HSP90B1: variants seen among roughly 807,000 people sequenced by gnomAD.
HSP90B1 encodes the protein endoplasmin.
Under a neutral mutation model 100.4 loss-of-function variants are expected in HSP90B1, and 27 were observed. That is an observed-to-expected ratio of 0.27 (90% confidence interval 0.20 to 0.37). The LOEUF (loss-of-function observed/expected upper bound fraction) is 0.37. Ranked by LOEUF, HSP90B1 falls within the 10% of genes least tolerant of loss-of-function variation. HSP90B1 has a pLI of 1.00. For synonymous variants in HSP90B1, 304 were observed against 330.8 expected, an observed-to-expected ratio of 0.92 and a Z score of 0.88; for missense variants, 678 against 960.5, an observed-to-expected ratio of 0.71 and a Z score of 3.89.
rs774680935 is a variant in HSP90B1 at position 103,932,292 on chromosome 12, T to A, written c.168T>A (p.Ile56=). 1 of 1,610,748 alleles carries A rather than the reference T, an allele frequency of 6.2e-7. No individual in the cohort carries two copies. Among genetic ancestry groups the A allele is most frequent in the Admixed American group, 1.7e-5 (1 of 59,546 alleles). The change falls in exon 3 of 18, where the codon ATT becomes ATA. Residue 56 remains isoleucine, a synonymous_variant. Transcript: ENST00000299767. ...ATTTCCTTAGAGAGGAAGAAGCTAT[T>A]CAGTTGGATGGATTAAATGCATCAC... ...DEVVQREEEA[I]QLDGLNASQI...
intron 7 of HSP90B1, among the ~76,000 whole-genome samples, chr12:103,938,964 A>G (rs1441245846): frequency 2.6e-5 from 4 of 152,252 alleles, no homozygotes; most frequent in African/African-American, 7.2e-5. Flanking sequence ...TAGTTAAAAA[A>G]TAACAATGAA....
Position 103,942,601 on chromosome 12 carries a change from T to G in HSP90B1, c.1449T>G (p.Thr483=). 1 of 1,613,984 alleles carries G rather than the reference T, an allele frequency of 6.2e-7. No homozygotes were observed. Among genetic ancestry groups the G allele is most frequent in the Non-Finnish European group, 8.5e-7 (1 of 1,179,842 alleles). The change falls in exon 12 of 18, where the codon ACT becomes ACG. Residue 483 remains threonine, a synonymous_variant. Coordinates refer to ENST00000299767, the MANE Select transcript of HSP90B1 (RefSeq NM_003299.3). Reference sequence around the variant, plus strand: ...TTGCTGATGATAAATACAATGATACTTTTTGGAAAGAATTTGGTACCAACA... The same window carrying G: ...TTGCTGATGATAAATACAATGATACGTTTTGGAAAGAATTTGGTACCAACA... ...KKIADDKYND[T]FWKEFGTNIK... is the part of the protein sequence containing the mutation.
intron 10 of HSP90B1, 21 bp downstream of exon 10, chr12:103,941,727 A>G: frequency 1.2e-6 from 2 of 1,610,646 alleles, no homozygotes; most frequent in African/African-American, 1.3e-5. Context: ...GAAGTTTGGG[A>G]GAAGGGGTGA....
rs546630977 is a variant in HSP90B1, at chr12:103,938,423, GGAA to G, written c.952_954del (p.Glu318del). The G allele has an allele frequency of 6.2e-4, 987 of 1,595,406 alleles. 2 individuals carry two copies. The highest frequency in any genetic ancestry group is 8.0e-4 in the Non-Finnish European group (938 of 1,165,566). ...AATCTGATGATGAAGCTGCAGTAGA[GGAA>G]GAAGAAGAAGAAAAGAAACCAAAGA... is the stretch of plus-strand genomic sequence containing the variant. On this transcript the variant is annotated inframe_deletion, in exon 7 of 18. Transcript: ENST00000299767.
intron 5 of HSP90B1, among the ~76,000 whole-genome samples, chr12:103,936,586 G>A (rs1468722986): frequency 6.7e-6 from 1 of 149,302 alleles, no homozygotes; most frequent in Non-Finnish European, 1.5e-5. Flanking sequence ...GGTCAAGGCT[G>A]CAGTGAGCCA....
In HSP90B1 at chr12:103,941,649, C is replaced by T. The variant is rs772984001; in HGVS notation, c.1251C>T (p.Phe417=). ...TTTAGCTCTATGTGCGCCGTGTATT[C>T]ATCACAGACGACTTCCATGATATGA... is the stretch of plus-strand genomic sequence containing the variant. ...DYIKLYVRRV[F]ITDDFHDMMP... The change falls in exon 10 of 18, where the codon TTC becomes TTT. Residue 417 remains phenylalanine, a synonymous_variant. Transcript: ENST00000299767. 6.2e-7 allele frequency: 1 copy of T among 1,614,090 alleles called. No individual in the cohort carries two copies. The highest frequency in any genetic ancestry group is 8.5e-7 in the Non-Finnish European group (1 of 1,180,006).
At chr12:103,944,971 A>C (rs949272576) in intron 14 of HSP90B1, among the ~76,000 whole-genome samples, 2 of 152,236 alleles carry the variant, frequency 1.3e-5, no homozygotes, top group African/African-American at 4.8e-5. Flanking sequence ...TGTTCTGTTT[A>C]TCTGATATCC....
At chr12:103,939,938 C>T (rs1870027063) in intron 8 of HSP90B1, among the ~76,000 whole-genome samples, 1 of 152,214 alleles carries the variant, frequency 6.6e-6, no homozygotes, top group Non-Finnish European at 1.5e-5. Flanking sequence ...CTCATCACTA[C>T]TTCAAAATTG....
At position 103,947,735 on chromosome 12, in the gene HSP90B1, C is replaced by G; in HGVS notation, c.*73C>G. The G allele has an allele frequency of 7.6e-7, 1 of 1,320,786 alleles. No homozygotes were observed. Among genetic ancestry groups the G allele is most frequent in the Non-Finnish European group, 1.1e-6 (1 of 913,422 alleles). The allele number at this position is 1,320,786 out of a possible 1,614,324, so 81.8% of individuals were successfully genotyped here. On this transcript the variant is annotated 3_prime_UTR_variant, in exon 18 of 18. Transcript: ENST00000299767. Reference sequence around the variant, plus strand: ...TTACATCATTTCTTTTTGGGAGAGACTTGTTTTGGATGCCCCCTAATCCCC... The same window carrying G: ...TTACATCATTTCTTTTTGGGAGAGAGTTGTTTTGGATGCCCCCTAATCCCC...
chr12:103,942,844 G>A (rs1449619805), intron 12 of HSP90B1, 48 bp downstream of exon 12: 1 of 1,599,874 alleles, frequency 6.3e-7, no homozygotes, highest in Non-Finnish European at 8.5e-7. Flanking sequence ...AGGTAGCTAG[G>A]GATTTATAGC....
At position 103,930,942 on chromosome 12, in the gene HSP90B1, C is replaced by T. The variant is rs144576494; in HGVS notation, c.49+378C>T. Among the ~76,000 whole-genome samples, 162 of 152,078 alleles carry T rather than the reference C, an allele frequency of 1.1e-3. No homozygotes were observed. Among genetic ancestry groups the T allele is most frequent in the South Asian group, 5.6e-3 (27 of 4,808 alleles). On this transcript the variant is annotated intron_variant, in intron 1 of 17. Transcript: ENST00000299767. This position sits in a 1 kb window ranked among gnomAD's most constrained non-coding sequence, Gnocchi z 4.4. The stretch of plus-strand genomic sequence containing the variant: ...CCCAGCTTTCCCGTCCCCTAATTCC[C>T]CAGACTCCGACTCCTCGCAAGCCCG...
At position 103,945,674 on chromosome 12, in the gene HSP90B1, C is replaced by T. The variant is rs141064197; in HGVS notation, c.2028-944C>T. Among the ~76,000 whole-genome samples the T allele has an allele frequency of 3.3e-5, 5 of 152,252 alleles. No homozygotes were observed. The East Asian group carries it at 5.8e-4, about 18-fold the overall frequency. ...GAACAAACAGGACATTAAATCAGTT[C>T]GTCTGTTCAGCAGTGCTCCAGGTAC... On this transcript the variant is annotated intron_variant, in intron 14 of 17. Transcript: ENST00000299767.
chr12:103,937,680 GA>G lies in HSP90B1; in HGVS notation c.744-13del. On this transcript the variant is annotated splice_polypyrimidine_tract_variant and intron_variant, in intron 5 of 17. Coordinates refer to ENST00000299767, the MANE Select transcript of HSP90B1 (RefSeq NM_003299.3). ...TAAATGTTAGGTGTCTCTAAACATC[GA>G]ATTTTTCTTGCAGCCTTGTCTTAAA... is the stretch of plus-strand genomic sequence containing the variant. 1 of 1,358,600 alleles carries G rather than the reference GA, an allele frequency of 7.4e-7. No homozygotes were observed. The highest frequency in any genetic ancestry group is 1.1e-6 in the Non-Finnish European group (1 of 950,954). The allele number at this position is 1,358,600 out of a possible 1,614,324, so 84.2% of individuals were successfully genotyped here.
chr12:103,932,569 T>TA lies in HSP90B1; in HGVS notation c.294+152dup, dbSNP rs1431684082. 17 of 715,794 alleles carry TA rather than the reference T, an allele frequency of 2.4e-5. No homozygotes were observed. In the East Asian group the frequency reaches 4.6e-4, roughly 19 times the overall value. 44.3% of individuals were successfully genotyped at this position (715,794 alleles called of 1,614,324 possible). On this transcript the variant is annotated intron_variant, in intron 3 of 17. Coordinates refer to ENST00000299767, the MANE Select transcript of HSP90B1 (RefSeq NM_003299.3). ...AATATGTCCAAGAATTGCTACCAGA[T>TA]ATCTGGGAAGAAAGGGAGTGTCAGA...
In HSP90B1 at chr12:103,939,583, A is replaced by G; in HGVS notation, c.1050A>G (p.Val350=). 1 of 1,582,026 alleles carries G rather than the reference A, an allele frequency of 6.3e-7. No individual in the cohort carries two copies. The highest frequency in any genetic ancestry group is 1.4e-5 in the African/African-American group (1 of 73,410). Residue 350 remains valine (V), a synonymous_variant, in exon 8 of 18, where the codon GTA becomes GTG. Transcript: ENST00000299767. Reference sequence around the variant, plus strand: ...TATGGCAGAGACCATCAAAAGAAGTAGAAGAAGATGAATACAAAGCTTTCT... The same window carrying G: ...TATGGCAGAGACCATCAAAAGAAGTGGAAGAAGATGAATACAAAGCTTTCT... The part of the protein sequence containing the change: ...KPIWQRPSKE[V]EEDEYKAFYK...
intron 16 of HSP90B1, 82 bp downstream of exon 16, chr12:103,947,023 G>T: frequency 7.0e-7 from 1 of 1,432,486 alleles, no homozygotes; most frequent in Admixed American, 2.3e-5. Flanking sequence ...CATGATTGAG[G>T]GATGTAGCTT....
rs141411215 is a variant in HSP90B1 at position 103,931,690 on chromosome 12, T to C, written c.152+67T>C. The C allele has an allele frequency of 1.4e-3, 1,551 of 1,107,394 alleles. 7 individuals are homozygous for C. The highest frequency in any genetic ancestry group is 6.5e-3 in the South Asian group (502 of 77,012). 68.6% of individuals were successfully genotyped at this position (1,107,394 alleles called of 1,614,324 possible). On this transcript the variant is annotated intron_variant, in intron 2 of 17. Transcript: ENST00000299767. ...GAACCTTGTGAGTTACGGTCACTTC[T>C]TATGTATCTCTTCTCCAAAGGTCCA...
chr12:103,942,961 A>G, intron 12 of HSP90B1, 113 bp from the exon 13 acceptor site: 2 of 1,468,806 alleles, frequency 1.4e-6, no homozygotes, highest in Non-Finnish European at 1.8e-6. Flanking sequence ...GAACCTCTTA[A>G]TTCTTCACCT....
In HSP90B1 at chr12:103,947,798, C is replaced by T. The variant is rs1248739371; in HGVS notation, c.*136C>T. On this transcript the variant is annotated 3_prime_UTR_variant, in exon 18 of 18. Coordinates refer to ENST00000299767, the MANE Select transcript of HSP90B1 (RefSeq NM_003299.3). ...CTGTAAAATGTGGGATTATGGGTCACAGGAAAAAGTGGGTTTTTTAGTTGA... is the reference window on the plus strand; with the variant it reads ...CTGTAAAATGTGGGATTATGGGTCATAGGAAAAAGTGGGTTTTTTAGTTGA... The T allele has an allele frequency of 1.3e-6, 1 of 782,538 alleles. No homozygotes were observed. The highest frequency in any genetic ancestry group is 1.7e-5 in the African/African-American group (1 of 57,526). 48.5% of individuals were successfully genotyped at this position (782,538 alleles called of 1,614,324 possible).
Sources: allele counts gnomAD v4.1 joint callset (sites outside exome capture counted in the v4.1 genomes callset), GRCh38; gene constraint gnomAD v4.1.1; non-coding constraint Gnocchi (gnomAD v3.1); transcripts MANE v1.5; gene names NCBI Gene and HGNC (gene_info 2026-07-23, HGNC 2026-07-21).